Variants in TOX observed in about 807,000 individuals in gnomAD.
TOX encodes the protein thymocyte selection associated high mobility group box, also known as thymocyte selection-associated high mobility group box protein TOX.
TOX carries 11 observed loss-of-function variants against 53.7 expected under a neutral mutation model. The observed-to-expected ratio is 0.20, with a 90% confidence interval of 0.13 to 0.34. The LOEUF (loss-of-function observed/expected upper bound fraction) is 0.34, where lower values mean the gene tolerates loss of function less well. Ranked by LOEUF, TOX falls within the 10% of genes least tolerant of loss-of-function variation. The probability of loss-of-function intolerance (pLI) is 1.00; values close to 1 mark genes in which losing one functional copy is unlikely to be tolerated. For synonymous variants in TOX, 225 were observed against 245.3 expected, an observed-to-expected ratio of 0.92 and a Z score of 0.77; for missense variants, 570 against 664.6, an observed-to-expected ratio of 0.86 and a Z score of 1.56.
intron 1 of TOX, among the ~76,000 whole-genome samples, chr8:58,974,655 A>G (rs1813059173): frequency 6.6e-6 from 1 of 152,198 alleles, no homozygotes; most frequent in Admixed American, 6.5e-5. Flanking sequence ...CTTTGGAGTT[A>G]TAATCACTCT....
chr8:58,808,120 A>T lies in TOX; in HGVS notation c.1542T>A (p.Ser514Arg). ...PVDWNNDYCSSGGMQRDKALY... is the reference protein window; with the variant it reads ...PVDWNNDYCSRGGMQRDKALY... Reference sequence around the variant, plus strand: ...GGTGGCGATGACCGGCCGCTTACCCACTACTGCAGTAGTCGTTATTCCAGT... The same window carrying T: ...GGTGGCGATGACCGGCCGCTTACCCTCTACTGCAGTAGTCGTTATTCCAGT... Residue 514 changes from serine (S) to arginine (R), a missense_variant and splice_region_variant, in exon 8 of 9, where the codon AGT becomes AGA. Around this residue, in one of 3 missense-constraint regions of TOX, gnomAD observed 239 missense variants for 250.7 expected, o/e 0.95. Transcript: ENST00000361421. 10 of 1,609,976 alleles carry T rather than the reference A, an allele frequency of 6.2e-6. No individual in the cohort carries two copies. Among genetic ancestry groups the T allele is most frequent in the Non-Finnish European group, 8.5e-6 (10 of 1,178,470 alleles).
chr8:59,005,238 C>G (rs377359207), intron 1 of TOX, among the ~76,000 whole-genome samples: 30 of 152,074 alleles, frequency 2.0e-4, no homozygotes, highest in East Asian at 1.5e-3. Context: ...CGGGGTTTCA[C>G]CGTGTTAGCC....
At chr8:59,033,538 T>C (rs976299942) in intron 1 of TOX, among the ~76,000 whole-genome samples, 1 of 152,184 alleles carries the variant, frequency 6.6e-6, no homozygotes, top group African/African-American at 2.4e-5. Flanking sequence ...TTTCATATTA[T>C]GTGAATTTTT....
intron 2 of TOX, among the ~76,000 whole-genome samples, chr8:58,945,293 G>A (rs1344841290): frequency 6.6e-6 from 1 of 152,188 alleles, no homozygotes; most frequent in East Asian, 1.9e-4. Flanking sequence ...ACTTCTCTGG[G>A]CAATTCTTGG....
At chr8:58,846,332 TA>T (rs1810718953) in intron 4 of TOX, among the ~76,000 whole-genome samples, 1 of 152,152 alleles carries the variant, frequency 6.6e-6, no homozygotes, top group Non-Finnish European at 1.5e-5. Flanking sequence ...ACAGTTACAA[TA>T]TAAGTACAGT....
At chr8:58,850,826 A>G (rs1417376475) in intron 4 of TOX, among the ~76,000 whole-genome samples, 1 of 152,238 alleles carries the variant, frequency 6.6e-6, no homozygotes, top group East Asian at 1.9e-4. Flanking sequence ...CATGTATATC[A>G]GGATTGCACA....
chr8:59,050,319 C>T (rs555667457), intron 1 of TOX, among the ~76,000 whole-genome samples: 23 of 152,216 alleles, frequency 1.5e-4, no homozygotes, highest in Middle Eastern at 3.4e-3. Context: ...TTTATTCTCC[C>T]TTCCAGGATT....
intron 3 of TOX, among the ~76,000 whole-genome samples, chr8:58,915,554 A>G (rs1434359613): frequency 1.5e-5 from 2 of 131,466 alleles, no homozygotes; most frequent in African/African-American, 3.0e-5. Flanking sequence ...CTATCTGTAC[A>G]TCACCATCAT....
At chr8:58,880,199 T>A (rs1811360252) in intron 3 of TOX, among the ~76,000 whole-genome samples, 1 of 152,196 alleles carries the variant, frequency 6.6e-6, no homozygotes, top group Non-Finnish European at 1.5e-5. Flanking sequence ...AAGTTGGTCC[T>A]ATCTGCCTGG....
chr8:59,052,773 C>CA (rs1183093172), intron 1 of TOX, among the ~76,000 whole-genome samples: 1 of 152,090 alleles, frequency 6.6e-6, no homozygotes, highest in Non-Finnish European at 1.5e-5. Flanking sequence ...CATTCCTTAG[C>CA]ATATTAATAA....
intron 4 of TOX, among the ~76,000 whole-genome samples, chr8:58,847,610 A>T (rs941308420): frequency 6.6e-6 from 1 of 152,084 alleles, no homozygotes; most frequent in African/African-American, 2.4e-5. Context: ...TAGAGGCAGT[A>T]TCTGAAAAAA....
chr8:59,115,675 T>C (rs779457226), intron 1 of TOX, among the ~76,000 whole-genome samples: 21 of 152,220 alleles, frequency 1.4e-4, no homozygotes, highest in Non-Finnish European at 2.6e-4. Flanking sequence ...CCAGCCTCCA[T>C]GTGTCTGTCC....
At chr8:59,030,128 C>G (rs1814327979) in intron 1 of TOX, among the ~76,000 whole-genome samples, 1 of 152,134 alleles carries the variant, frequency 6.6e-6, no homozygotes, top group Non-Finnish European at 1.5e-5. Context: ...CCATTGCCAT[C>G]TGTTTAAAAT....
At chr8:58,885,932 G>T (rs1247709471) in intron 3 of TOX, among the ~76,000 whole-genome samples, 2 of 151,946 alleles carry the variant, frequency 1.3e-5, no homozygotes, top group Non-Finnish European at 2.9e-5. Flanking sequence ...GGTTTTATTG[G>T]GATATTAAAC....
intron 6 of TOX, among the ~76,000 whole-genome samples, chr8:58,822,503 C>T (rs760137718): frequency 6.6e-5 from 10 of 152,168 alleles, no homozygotes; most frequent in Admixed American, 2.6e-4. Flanking sequence ...TGACCAGAGC[C>T]GGGCAGTTTT....
chr8:59,019,562 C>A (rs1814082315), intron 1 of TOX, among the ~76,000 whole-genome samples: 1 of 151,780 alleles, frequency 6.6e-6, no homozygotes, highest in Non-Finnish European at 1.5e-5. Flanking sequence ...GATTGCCTAG[C>A]CAAAAATGAA....
intron 2 of TOX, among the ~76,000 whole-genome samples, chr8:58,955,859 C>T (rs147454610): frequency 3.0e-4 from 46 of 151,798 alleles, no homozygotes; most frequent in African/African-American, 9.9e-4. Context: ...CTCAGCCTCC[C>T]GAGTAGCTGG....
chr8:58,837,943 A>T (rs1427292460), intron 5 of TOX, 138 bp downstream of exon 5: 1 of 695,644 alleles, frequency 1.4e-6, no homozygotes, highest in Admixed American at 2.9e-5. Flanking sequence ...ACGTCTCAGA[A>T]AGTCTGGTTC....
chr8:58,903,223 A>C lies in TOX; in HGVS notation c.411+36079T>G, dbSNP rs921709196. Among the ~76,000 whole-genome samples the C allele has an allele frequency of 5.3e-5, 8 of 152,326 alleles. No homozygotes were observed. The South Asian group carries it at 6.2e-4, about 12-fold the overall frequency. On this transcript the variant is annotated intron_variant, in intron 3 of 8. Coordinates refer to ENST00000361421, the MANE Select transcript of TOX (RefSeq NM_014729.3). Reference sequence around the variant, plus strand: ...AGAACTGGTGGTGTTGAACACAGTTAAGCAAATGTTCTAAGATGGGTGTTA... The same window carrying C: ...AGAACTGGTGGTGTTGAACACAGTTCAGCAAATGTTCTAAGATGGGTGTTA...
Sources: gnomAD v4.1 joint callset for allele counts (sites outside exome capture counted in the v4.1 genomes callset) on GRCh38, gnomAD v4.1.1 for gene constraint, gnomAD v4.1.1 regional missense constraint, MANE v1.5 for transcripts, NCBI Gene and HGNC (gene_info 2026-07-23, HGNC 2026-07-21) for gene names.